KCNAB1: variants seen among roughly 807,000 people sequenced by gnomAD.
KCNAB1 encodes the protein potassium voltage-gated channel subfamily A regulatory beta subunit 1.
Under a neutral mutation model 64.6 loss-of-function variants are expected in KCNAB1, and 35 were observed. The observed-to-expected ratio is 0.54, with a 90% confidence interval of 0.41 to 0.72. KCNAB1 has a LOEUF of 0.72. Ranked by LOEUF, KCNAB1 falls within the 30% of genes least tolerant of loss-of-function variation. The pLI is 0.00. For missense variants in KCNAB1, 401 were observed against 512.9 expected (o/e 0.78, Z 2.11); for synonymous variants, 177 against 183.8 (o/e 0.96, Z 0.30).
At chr3:156,468,666 C>A (rs1713619611) in intron 7 of KCNAB1, among the ~76,000 whole-genome samples, 1 of 152,154 alleles carries the variant, frequency 6.6e-6, no homozygotes, top group Non-Finnish European at 1.5e-5. Context: ...GCACTTAACG[C>A]ATGTTATTTT....
chr3:156,302,420 G>C (rs1189111233), intron 1 of KCNAB1, among the ~76,000 whole-genome samples: 1 of 152,098 alleles, frequency 6.6e-6, no homozygotes, highest in Non-Finnish European at 1.5e-5. Flanking sequence ...ATGGGAGAGG[G>C]GAGAGTTAAA....
At chr3:156,129,667 G>A (rs1296477722) in intron 1 of KCNAB1, among the ~76,000 whole-genome samples, 1 of 152,290 alleles carries the variant, frequency 6.6e-6, no homozygotes, top group East Asian at 1.9e-4. Flanking sequence ...AAAAGTTTTA[G>A]CACAATGCTG....
intron 8 of KCNAB1, among the ~76,000 whole-genome samples, chr3:156,484,640 C>T (rs982626262): frequency 6.6e-6 from 1 of 152,070 alleles, no homozygotes; most frequent in African/African-American, 2.4e-5. Flanking sequence ...GACTTGGAGA[C>T]TAACATGACT....
intron 1 of KCNAB1, among the ~76,000 whole-genome samples, chr3:156,332,095 T>A (rs1397077363): frequency 6.6e-6 from 1 of 152,178 alleles, no homozygotes; most frequent in East Asian, 1.9e-4. Flanking sequence ...TGGAATGACT[T>A]GACACATTTT....
chr3:156,335,359 G>A (rs1723617702), intron 1 of KCNAB1, among the ~76,000 whole-genome samples: 1 of 152,068 alleles, frequency 6.6e-6, no homozygotes, highest in Non-Finnish European at 1.5e-5. Flanking sequence ...AAGGAAAGTG[G>A]CTACTCCCTC....
chr3:156,383,632 C>A (rs939185866), intron 1 of KCNAB1, among the ~76,000 whole-genome samples: 3 of 152,122 alleles, frequency 2.0e-5, no homozygotes, highest in African/African-American at 7.2e-5. Flanking sequence ...CTCACCCCAC[C>A]CTGATACTTG....
At chr3:156,379,663 T>C (rs1374909285) in intron 1 of KCNAB1, among the ~76,000 whole-genome samples, 1 of 152,096 alleles carries the variant, frequency 6.6e-6, no homozygotes, top group African/African-American at 2.4e-5. Flanking sequence ...GTCAGGGAGA[T>C]AGCAGGAGCC....
At chr3:156,409,143 G>T (rs903602058) in intron 1 of KCNAB1, among the ~76,000 whole-genome samples, 12 of 151,922 alleles carry the variant, frequency 7.9e-5, no homozygotes, top group African/African-American at 2.9e-4. Flanking sequence ...ACTTCTTTAG[G>T]GCTGTGCCAA....
At chr3:156,174,522 AC>A (rs1712219336) in intron 1 of KCNAB1, among the ~76,000 whole-genome samples, 1 of 152,162 alleles carries the variant, frequency 6.6e-6, no homozygotes, top group Admixed American at 6.5e-5. Context: ...ATGCTTCTTT[AC>A]TCATTAAGGA....
chr3:156,207,846 A>G (rs1008039603), intron 1 of KCNAB1, among the ~76,000 whole-genome samples: 3 of 152,200 alleles, frequency 2.0e-5, no homozygotes, highest in African/African-American at 7.2e-5. Context: ...TGTTTAATAT[A>G]TAGAGAATGA....
chr3:156,498,994 C>T (rs1716196645), intron 8 of KCNAB1, among the ~76,000 whole-genome samples: 1 of 152,166 alleles, frequency 6.6e-6, no homozygotes. Context: ...TGGTCAAGAG[C>T]AAAGGTCATG....
intron 1 of KCNAB1, among the ~76,000 whole-genome samples, chr3:156,327,367 AT>A (rs1250002295): frequency 5.3e-5 from 8 of 152,224 alleles, no homozygotes; most frequent in South Asian, 2.1e-4. Context: ...TCAATAATGT[AT>A]TTTTTTAAGG....
At chr3:156,530,722 G>A (rs543114045) in intron 12 of KCNAB1, among the ~76,000 whole-genome samples, 1 of 152,308 alleles carries the variant, frequency 6.6e-6, no homozygotes, top group African/African-American at 2.4e-5. Flanking sequence ...AACACAGGAT[G>A]AATCTTGGGT....
intron 8 of KCNAB1, among the ~76,000 whole-genome samples, chr3:156,495,852 A>G (rs1008987345): frequency 3.3e-5 from 5 of 152,188 alleles, no homozygotes; most frequent in African/African-American, 9.6e-5. Flanking sequence ...GACCCTTAAT[A>G]TTAATGTAAG....
chr3:156,223,349 C>T (rs1256751539), intron 1 of KCNAB1, among the ~76,000 whole-genome samples: 2 of 152,242 alleles, frequency 1.3e-5, no homozygotes, highest in African/African-American at 4.8e-5. Context: ...GTTTTATTCT[C>T]TTATCTGGCC....
intron 8 of KCNAB1, among the ~76,000 whole-genome samples, chr3:156,493,569 G>A (rs1455154362): frequency 6.6e-6 from 1 of 151,942 alleles, no homozygotes; most frequent in African/African-American, 2.4e-5. Flanking sequence ...ATCAAAACCT[G>A]GAGATTAACA....
chr3:156,353,940 C>A (rs1725026766), intron 1 of KCNAB1, among the ~76,000 whole-genome samples: 1 of 151,630 alleles, frequency 6.6e-6, no homozygotes, highest in Admixed American at 6.6e-5. Flanking sequence ...ACTGCAGAAG[C>A]TATTTGTGTG....
intron 1 of KCNAB1, among the ~76,000 whole-genome samples, chr3:156,367,456 C>T (rs905196249): frequency 2.0e-5 from 3 of 152,050 alleles, no homozygotes; most frequent in African/African-American, 7.2e-5. Context: ...GCTGGGATTA[C>T]AGGCTTGAGC....
At chr3:156,276,984 T>C (rs182289600) in intron 1 of KCNAB1, among the ~76,000 whole-genome samples, 118 of 152,336 alleles carry the variant, frequency 7.7e-4, no homozygotes, top group Non-Finnish European at 1.5e-3. Context: ...TCTAGGCTTT[T>C]GACATGCCTT....
Sources: allele counts gnomAD v4.1 joint callset (sites outside exome capture counted in the v4.1 genomes callset), GRCh38; gene constraint gnomAD v4.1.1; transcripts MANE v1.5; gene names NCBI Gene and HGNC (gene_info 2026-07-23, HGNC 2026-07-21).